TRPM3: variants seen among roughly 807,000 people sequenced by gnomAD.
TRPM3 encodes long transient receptor potential channel 3.
Under a neutral mutation model 181.2 loss-of-function variants are expected in TRPM3, and 77 were observed. The ratio of observed to expected loss-of-function variants is 0.42; its 90% CI spans 0.35 to 0.51. The LOEUF (loss-of-function observed/expected upper bound fraction) is 0.51. Among genes scored for constraint, TRPM3 ranks in the 20% least tolerant of loss-of-function variants. The pLI, the probability that TRPM3 is intolerant of heterozygous loss-of-function variation, is 0.01. For synonymous variants in TRPM3, 745 were observed against 796.4 expected, an observed-to-expected ratio of 0.94 and a Z score of 1.09; for missense variants, 1,759 against 2,196.7, an observed-to-expected ratio of 0.80 and a Z score of 3.98.
At chr9:70,790,215 G>A (rs2085032049) in intron 6 of TRPM3, among the ~76,000 whole-genome samples, 1 of 152,152 alleles carries the variant, frequency 6.6e-6, no homozygotes, top group Non-Finnish European at 1.5e-5. Flanking sequence ...TTTGCTGTTG[G>A]AAACTGGCTC....
intron 1 of TRPM3, among the ~76,000 whole-genome samples, chr9:70,949,833 A>G (rs1023546730): frequency 2.6e-5 from 4 of 152,170 alleles, no homozygotes; most frequent in African/African-American, 9.7e-5. Flanking sequence ...AGGAAATTTA[A>G]CATTCATTCT....
chr9:71,177,932 C>CAA (rs10717759), intron 1 of TRPM3, among the ~76,000 whole-genome samples: 94 of 123,548 alleles, frequency 7.6e-4, no homozygotes, highest in South Asian at 1.6e-3. Flanking sequence ...TGCTCAAAGC[C>CAA]AAAAAAAAAA....
chr9:70,636,601 G>C (rs2057242368), intron 11 of TRPM3, among the ~76,000 whole-genome samples: 1 of 151,138 alleles, frequency 6.6e-6, no homozygotes, highest in South Asian at 2.1e-4. Flanking sequence ...AAAATTGTCT[G>C]TTGTTAATCT....
At chr9:70,841,654 ATATATAT>A (rs781395258) in intron 5 of TRPM3, among the ~76,000 whole-genome samples, 2,346 of 123,702 alleles carry the variant, frequency 0.019, 75 homozygotes, top group East Asian at 0.041. Flanking sequence ...ATATATATAT[ATATATAT>A]CCCACCATAT....
rs1285867995 is a variant in TRPM3 at position 70,862,971 on chromosome 9, G to C, written c.399C>G (p.Leu133=). ...EKWSISKHTQ[L]SPTDAFGTIE... ...TGGTCCCAAAAGCATCCGTAGGGCT[G>C]AGTTGAGTGTGTTTGCTGATGGACC... The change falls in exon 3 of 26, where the codon CTC becomes CTG. Residue 133 remains leucine, a synonymous_variant. Transcript: ENST00000677713. The C allele has an allele frequency of 6.2e-7, 1 of 1,613,750 alleles. No individual in the cohort carries two copies. The highest frequency in any genetic ancestry group is 8.5e-7 in the Non-Finnish European group (1 of 1,179,748).
At chr9:70,964,426 G>A (rs900702739) in intron 1 of TRPM3, among the ~76,000 whole-genome samples, 4 of 152,026 alleles carry the variant, frequency 2.6e-5, no homozygotes, top group African/African-American at 9.7e-5. Context: ...CTGAAGTGAA[G>A]GCAACAATCT....
intron 1 of TRPM3, among the ~76,000 whole-genome samples, chr9:70,954,086 TGATCATTTCGGGACAAA>T (rs1387895706): frequency 1.3e-5 from 2 of 152,172 alleles, no homozygotes; most frequent in African/African-American, 4.8e-5. Flanking sequence ...TCCTCCACTC[TGATCATTTCGGGACAAA>T]GATCAGACAA....
chr9:71,047,916 A>T (rs1483422486), intron 1 of TRPM3, among the ~76,000 whole-genome samples: 1 of 152,008 alleles, frequency 6.6e-6, no homozygotes, highest in East Asian at 1.9e-4. Flanking sequence ...TGATTCTCTC[A>T]TTTACCAGTG....
At chr9:70,603,197 G>T in intron 20 of TRPM3, 145 bp downstream of exon 20, 1 of 962,242 alleles carries the variant, frequency 1.0e-6, no homozygotes. Context: ...AGGTTTGTCA[G>T]AGGAGCAAAG....
intron 1 of TRPM3, among the ~76,000 whole-genome samples, chr9:71,378,003 T>G (rs893115069): frequency 4.6e-5 from 7 of 152,184 alleles, no homozygotes; most frequent in African/African-American, 1.7e-4. Flanking sequence ...GATTGTCCAA[T>G]GACACTATTT....
In TRPM3 at chr9:70,537,056, A is replaced by G; in HGVS notation, c.4057T>C (p.Ser1353Pro). 2 of 1,612,402 alleles carry G rather than the reference A, an allele frequency of 1.2e-6. No homozygotes were observed. The highest frequency in any genetic ancestry group is 1.7e-6 in the Non-Finnish European group (2 of 1,178,524). Reference sequence around the variant, plus strand: ...CCACCTTTGTCTTTCATATTGACCGAATAGAAAGAATGGCTTCGCATACGG... The same window carrying G: ...CCACCTTTGTCTTTCATATTGACCGGATAGAAAGAATGGCTTCGCATACGG... ...MPRMRSHSFYSVNMKDKGGIE... is the reference protein window; with the variant it reads ...MPRMRSHSFYPVNMKDKGGIE... Residue 1353 changes from serine (S) to proline (P), a missense_variant, in exon 26 of 26, where the codon TCG becomes CCG. By Grantham distance (74) the Ser-to-Pro change is moderately conservative (BLOSUM62 -1). This residue lies in a region of TRPM3 where 612 missense variants were observed against 590.0 expected (regional missense o/e 1.04). Transcript: ENST00000677713.
chr9:71,194,612 T>C (rs1253604890), intron 1 of TRPM3, among the ~76,000 whole-genome samples: 1 of 151,896 alleles, frequency 6.6e-6, no homozygotes, highest in African/African-American at 2.4e-5. Flanking sequence ...ACCAGGAACA[T>C]ACTGAACTCT....
intron 1 of TRPM3, among the ~76,000 whole-genome samples, chr9:71,092,566 C>T (rs2066408876): frequency 6.6e-6 from 1 of 151,948 alleles, no homozygotes; most frequent in Non-Finnish European, 1.5e-5. Flanking sequence ...TATTTACCAA[C>T]AATAACAATT....
chr9:71,280,641 C>A (rs2084636703), intron 1 of TRPM3, among the ~76,000 whole-genome samples: 1 of 152,166 alleles, frequency 6.6e-6, no homozygotes, highest in Non-Finnish European at 1.5e-5. Context: ...CAGATTCAGA[C>A]CACCCTGTAT....
intron 22 of TRPM3, among the ~76,000 whole-genome samples, chr9:70,562,676 C>T (rs1297603070): frequency 6.6e-6 from 1 of 150,690 alleles, no homozygotes. Context: ...AATTCAATTC[C>T]CTGTTACTTG....
rs1482164582 is a variant in TRPM3 at position 70,531,363 on chromosome 9, T to C, written c.*4590A>G. The C allele has an allele frequency of 6.6e-6, 1 of 152,182 alleles. No individual in the cohort carries two copies. The highest frequency in any genetic ancestry group is 1.5e-5 in the Non-Finnish European group (1 of 68,040). 9.4% of individuals were successfully genotyped at this position (152,182 alleles called of 1,614,324 possible). ...TTTTCAAAACTGAACATAATCCCCA[T>C]AGTAAGAAGCCCAACTGTTTGAGTG... On this transcript the variant is annotated 3_prime_UTR_variant, in exon 26 of 26. Coordinates refer to ENST00000677713, the MANE Select transcript of TRPM3 (RefSeq NM_001366145.2).
chr9:70,858,841 A>G (rs938027920), intron 3 of TRPM3, among the ~76,000 whole-genome samples: 14 of 152,054 alleles, frequency 9.2e-5, no homozygotes, highest in African/African-American at 3.4e-4. Context: ...GTGTTTAGTA[A>G]ATGAAGTCCA....
intron 1 of TRPM3, among the ~76,000 whole-genome samples, chr9:71,102,749 A>G (rs931476107): frequency 3.3e-5 from 5 of 152,168 alleles, no homozygotes; most frequent in African/African-American, 9.6e-5. Flanking sequence ...CTTCTACTAC[A>G]TTTTTATTAG....
chr9:71,264,469 C>T (rs575452598), intron 1 of TRPM3, among the ~76,000 whole-genome samples: 64 of 152,020 alleles, frequency 4.2e-4, no homozygotes, highest in African/African-American at 1.3e-3. Flanking sequence ...TCTCAGTAAG[C>T]GATCCAAAAA....
Sources: gnomAD v4.1 joint callset for allele counts (sites outside exome capture counted in the v4.1 genomes callset) on GRCh38, gnomAD v4.1.1 for gene constraint, gnomAD v4.1.1 regional missense constraint, MANE v1.5 for transcripts, NCBI Gene and HGNC (gene_info 2026-07-23, HGNC 2026-07-21) for gene names.